Variants in AAMDC observed in about 807,000 individuals in gnomAD.
AAMDC encodes adipogenesis associated Mth938 domain containing.
AAMDC carries 16 observed loss-of-function variants against 15.5 expected under a neutral mutation model. The ratio of observed to expected loss-of-function variants is 1.03; its 90% CI spans 0.70 to 1.57. AAMDC has a LOEUF of 1.57. Ranked by LOEUF, AAMDC falls within the 40% of genes most tolerant of loss-of-function variation. The pLI is 0.00. For synonymous variants in AAMDC, 51 were observed against 51.6 expected, an observed-to-expected ratio of 0.99 and a Z score of 0.05; for missense variants, 141 against 144.9, an observed-to-expected ratio of 0.97 and a Z score of 0.14.
At chr11:77,828,387 GC>G in intron 1 of AAMDC, among the ~76,000 whole-genome samples, 1 of 152,168 alleles carries the variant, frequency 6.6e-6, no homozygotes, top group South Asian at 2.1e-4. Context: ...GAAAATTATA[GC>G]CGGGTGCGGT....
intron 1 of AAMDC, among the ~76,000 whole-genome samples, chr11:77,828,146 G>A (rs547386089): frequency 2.6e-5 from 4 of 152,026 alleles, no homozygotes; most frequent in East Asian, 1.9e-4. Flanking sequence ...ATGGTGATGC[G>A]CACCTGTAAT....
intron 2 of AAMDC, among the ~76,000 whole-genome samples, chr11:77,864,218 C>T (rs1951009632): frequency 1.3e-5 from 2 of 152,102 alleles, no homozygotes; most frequent in South Asian, 4.1e-4. Flanking sequence ...TGAGCCACCG[C>T]TCCTGGCCAA....
intron 1 of AAMDC, chr11:77,841,244 T>C (rs964042955): frequency 2.8e-6 from 2 of 702,406 alleles, no homozygotes; most frequent in Non-Finnish European, 5.2e-6. Flanking sequence ...CTTAATGTTG[T>C]TATAATGGCA....
intron 1 of AAMDC, among the ~76,000 whole-genome samples, chr11:77,833,006 TATA>T (rs1300403416): frequency 1.0e-4 from 9 of 86,806 alleles, no homozygotes; most frequent in South Asian, 6.0e-4. Flanking sequence ...TGTATATATA[TATA>T]TTTTTTTTTT....
At position 77,858,302 on chromosome 11, in the gene AAMDC, C is replaced by CTTTTTTTTTTTTTTTTT. The variant is rs71473358; in HGVS notation, c.133-11411_133-11395dup. On this transcript the variant is annotated intron_variant, in intron 2 of 3. Coordinates refer to ENST00000393427, the MANE Select transcript of AAMDC (RefSeq NM_024684.4). ...CTCCACCTCCTGCGTTTAAGCAATT[C>CTTTTTTTTTTTTTTTTT]TTTTTTTTTTTTTTTTTTTTTTTTT... Among the ~76,000 whole-genome samples the CTTTTTTTTTTTTTTTTT allele has an allele frequency of 1.0e-4, 7 of 69,348 alleles. 1 individual carries two copies. The highest frequency in any genetic ancestry group is 4.3e-4 in the African/African-American group (7 of 16,252). 45.5% of individuals were successfully genotyped at this position (69,348 alleles called of 152,430 possible).
In AAMDC at chr11:77,848,567, C is replaced by A. The variant is rs150307911; in HGVS notation, c.132+5939C>A. ...TAGAGGTGGGGTTTCACCATGTTGGCCAGGTTGGTCTCGAACGCCTGACCT... is the reference window on the plus strand; with the variant it reads ...TAGAGGTGGGGTTTCACCATGTTGGACAGGTTGGTCTCGAACGCCTGACCT... On this transcript the variant is annotated intron_variant, in intron 2 of 3. Coordinates refer to ENST00000393427, the MANE Select transcript of AAMDC (RefSeq NM_024684.4). Among the ~76,000 whole-genome samples the A allele has an allele frequency of 3.7e-3, 562 of 152,236 alleles. 9 individuals carry two copies. The highest frequency in any genetic ancestry group is 0.03 in the Admixed American group (463 of 15,286).
intron 1 of AAMDC, among the ~76,000 whole-genome samples, chr11:77,826,665 T>G (rs1375253161): frequency 1.3e-5 from 2 of 152,132 alleles, no homozygotes; most frequent in Non-Finnish European, 2.9e-5. Flanking sequence ...CAACCGAACC[T>G]TTGAAACAGA....
At chr11:77,835,823 AG>A (rs1430734583) in intron 1 of AAMDC, among the ~76,000 whole-genome samples, 1 of 152,142 alleles carries the variant, frequency 6.6e-6, no homozygotes, top group African/African-American at 2.4e-5. Context: ...AGGGTGGCTG[AG>A]GCACAAGAAT....
chr11:77,879,062 G>T (rs770220271), intron 5 of AAMDC: 1 of 1,613,992 alleles, frequency 6.2e-7, no homozygotes, highest in East Asian at 2.2e-5. Context: ...TCCATCCAGG[G>T]GCATTTTGGA....
At chr11:77,840,097 AACAC>A (rs10547270) in intron 1 of AAMDC, among the ~76,000 whole-genome samples, 21 of 150,018 alleles carry the variant, frequency 1.4e-4, no homozygotes, top group Non-Finnish European at 1.5e-4. Flanking sequence ...GGGGACAGTA[AACAC>A]ACACACACAC....
chr11:77,853,341 G>T (rs1363363213), intron 2 of AAMDC, among the ~76,000 whole-genome samples: 1 of 152,124 alleles, frequency 6.6e-6, no homozygotes, highest in Non-Finnish European at 1.5e-5. Context: ...TTGCTAGGGA[G>T]GCCTCAGGAA....
At chr11:77,874,341 A>G (rs1951540234), downstream of AAMDC, among the ~76,000 whole-genome samples, 1 of 152,064 alleles carries the variant, frequency 6.6e-6, no homozygotes, top group Non-Finnish European at 1.5e-5. Flanking sequence ...GATGTTTGAT[A>G]AAATTCAGAC....
chr11:77,844,081 T>G (rs562532826), intron 2 of AAMDC, among the ~76,000 whole-genome samples: 1 of 152,194 alleles, frequency 6.6e-6, no homozygotes, highest in East Asian at 1.9e-4. Flanking sequence ...AAGATGAGAT[T>G]TGGGTGGGGA....
downstream of AAMDC, chr11:77,877,099 A>C (rs1238729384): frequency 1.6e-5 from 11 of 699,902 alleles, no homozygotes; most frequent in Non-Finnish European, 5.2e-6. Context: ...TTCTTCCCCT[A>C]GTCCCTCTTT....
At chr11:77,900,457 T>A (rs542899548) in intron 5 of AAMDC, 1 of 552,216 alleles carries the variant, frequency 1.8e-6, no homozygotes, top group Admixed American at 3.3e-5. Context: ...ACTATCAAGA[T>A]ACGTGAAGAA....
At chr11:77,843,322 G>A (rs1347872666) in intron 2 of AAMDC, among the ~76,000 whole-genome samples, 1 of 152,130 alleles carries the variant, frequency 6.6e-6, no homozygotes, top group Non-Finnish European at 1.5e-5. Flanking sequence ...TCCTTTCCAT[G>A]AGTGTAAGTT....
At chr11:77,900,066 G>A (rs1436820597) in intron 5 of AAMDC, among the ~76,000 whole-genome samples, 3 of 151,678 alleles carry the variant, frequency 2.0e-5, no homozygotes, top group Non-Finnish European at 4.4e-5. Flanking sequence ...CACATAGTAG[G>A]GATTAAACAT....
chr11:77,843,089 G>A lies in AAMDC; in HGVS notation c.132+461G>A, dbSNP rs561587579. On this transcript the variant is annotated intron_variant, in intron 2 of 3. Transcript: ENST00000393427. ...ATAGTGTTTAACCTTTTGAGGTACT[G>A]CCAGACTATCTTCCAAGGCACCTGC... is the stretch of plus-strand genomic sequence containing the variant. 5.3e-5 allele frequency among the ~76,000 whole-genome samples: 8 copies of A among 152,310 alleles called. No individual in the cohort carries two copies. The East Asian group carries it at 1.5e-3, about 29-fold the overall frequency.
chr11:77,834,758 C>T (rs920711459), intron 1 of AAMDC, among the ~76,000 whole-genome samples: 2 of 152,016 alleles, frequency 1.3e-5, no homozygotes, highest in African/African-American at 4.8e-5. Context: ...TAGGAAAAGA[C>T]TGAATAAGTA....
Sources: gnomAD v4.1 joint callset for allele counts (sites outside exome capture counted in the v4.1 genomes callset) on GRCh38, gnomAD v4.1.1 for gene constraint, MANE v1.5 for transcripts, NCBI Gene and HGNC (gene_info 2026-07-23, HGNC 2026-07-21) for gene names.